Variants in INKA2 observed in about 807,000 individuals in gnomAD.
The protein encoded by INKA2 is PAK4-inhibitor INKA2.
INKA2 carries 3 observed loss-of-function variants against 9.8 expected under a neutral mutation model. The ratio of observed to expected loss-of-function variants is 0.31; its 90% CI spans 0.14 to 0.79. The LOEUF is 0.79. Among genes scored for constraint, INKA2 ranks in the 30% least tolerant of loss-of-function variants. The pLI is 0.62. For synonymous variants in INKA2, 147 were observed against 143.3 expected (o/e 1.03, Z -0.18); for missense variants, 392 against 384.4 (o/e 1.02, Z -0.17).
In INKA2 at chr1:111,727,415, G is replaced by A. The variant is rs1250038995; in HGVS notation, c.447C>T (p.Gly149=). Residue 149 remains glycine, a synonymous_variant, in exon 2 of 2, where the codon GGC becomes GGT. Transcript: ENST00000357260. ...DDWTSTLMSR[G]RNRQPLVLGD... ...CTAACACCAGAGGCTGTCGATTCCG[G>A]CCCCGGGACATCAACGTGGAGGTCC... 6.2e-7 allele frequency: 1 copy of A among 1,614,132 alleles called. No homozygotes were observed.
chr1:111,731,424 CA>C (rs1427897095), intron 1 of INKA2, among the ~76,000 whole-genome samples: 1 of 151,812 alleles, frequency 6.6e-6, no homozygotes, highest in East Asian at 1.9e-4. Flanking sequence ...GATCTCAGCT[CA>C]CCACAACCTC....
chr1:111,730,478 G>C (rs958930246), intron 1 of INKA2, among the ~76,000 whole-genome samples: 4 of 152,162 alleles, frequency 2.6e-5, no homozygotes, highest in African/African-American at 9.7e-5. Flanking sequence ...AGACACGTGA[G>C]CACCTGATCA....
rs973511478 is a variant in INKA2, at chr1:111,724,973, A to C, written c.*1995T>G. Reference sequence around the variant, plus strand: ...TGTGCACATTACCTGACAGACAGTGAGTGCTCAACAAAACCCAAAAAGCAT... The same window carrying C: ...TGTGCACATTACCTGACAGACAGTGCGTGCTCAACAAAACCCAAAAAGCAT... On this transcript the variant is annotated 3_prime_UTR_variant, in exon 2 of 2. Transcript: ENST00000357260. The C allele has an allele frequency of 6.6e-6, 1 of 152,230 alleles. No homozygotes were observed. Among genetic ancestry groups the C allele is most frequent in the Non-Finnish European group, 1.5e-5 (1 of 68,054 alleles). 9.4% of individuals were successfully genotyped at this position (152,230 alleles called of 1,614,324 possible). A position where few individuals can be genotyped will look rare whatever the true frequency, so the allele number is the denominator to read the frequency against.
Position 111,723,431 on chromosome 1 carries a change from T to C in INKA2, c.*3537A>G. ...AGGAGGGAGACCAGGCCGGCCCCAC[T>C]AGCATGCCCAGCAGGGACTCTTTTC... On this transcript the variant is annotated 3_prime_UTR_variant, in exon 2 of 2. Transcript: ENST00000357260. 3 of 225,048 alleles carry C rather than the reference T, an allele frequency of 1.3e-5. No individual in the cohort carries two copies. The highest frequency in any genetic ancestry group is 7.5e-6 in the Non-Finnish European group (1 of 132,860). 13.9% of individuals were successfully genotyped at this position (225,048 alleles called of 1,614,324 possible).
chr1:111,726,239 A>T lies in INKA2; in HGVS notation c.*729T>A. 2.6e-6 allele frequency: 1 copy of T among 391,058 alleles called. No homozygotes were observed. Among genetic ancestry groups the T allele is most frequent in the Non-Finnish European group, 4.5e-6 (1 of 221,548 alleles). The allele number at this position is 391,058 out of a possible 1,614,324, so 24.2% of individuals were successfully genotyped here. A position where few individuals can be genotyped will look rare whatever the true frequency, so the allele number is the denominator to read the frequency against. On this transcript the variant is annotated 3_prime_UTR_variant, in exon 2 of 2. Coordinates refer to ENST00000357260, the MANE Select transcript of INKA2 (RefSeq NM_019099.5). Reference sequence around the variant, plus strand: ...TTCAAATGAGACCATGGAGATGAAAAGGCATTCAAACAGCCCAGTGCTATG... The same window carrying T: ...TTCAAATGAGACCATGGAGATGAAATGGCATTCAAACAGCCCAGTGCTATG...
chr1:111,725,642 A>G lies in INKA2; in HGVS notation c.*1326T>C, dbSNP rs1571588208. The G allele has an allele frequency of 6.5e-6, 1 of 153,330 alleles. No homozygotes were observed. The highest frequency in any genetic ancestry group is 2.4e-5 in the African/African-American group (1 of 41,462). The allele number at this position is 153,330 out of a possible 1,614,324, so 9.5% of individuals were successfully genotyped here. A position where few individuals can be genotyped will look rare whatever the true frequency, so the allele number is the denominator to read the frequency against. ...GGCTATTTCTTCTGGGTTCACTTCT[A>G]CCTCACTGGTGAATTGGCTGTTCTC... On this transcript the variant is annotated 3_prime_UTR_variant, in exon 2 of 2. Coordinates refer to ENST00000357260, the MANE Select transcript of INKA2 (RefSeq NM_019099.5).
At chr1:111,737,475 A>G (rs769596256) in intron 1 of INKA2, among the ~76,000 whole-genome samples, 10 of 152,126 alleles carry the variant, frequency 6.6e-5, no homozygotes, top group Non-Finnish European at 1.3e-4. Context: ...GTAGTCCCCA[A>G]TTCGAAGCAC....
chr1:111,737,486 A>G (rs1032457262), intron 1 of INKA2, among the ~76,000 whole-genome samples: 3 of 152,200 alleles, frequency 2.0e-5, no homozygotes, highest in African/African-American at 7.2e-5. Context: ...TTCGAAGCAC[A>G]AAAAGGAGGA....
intron 1 of INKA2, among the ~76,000 whole-genome samples, chr1:111,732,137 A>T (rs778516861): frequency 3.3e-5 from 5 of 152,178 alleles, no homozygotes; most frequent in Non-Finnish European, 7.4e-5. Context: ...TGACTAAGAG[A>T]GGAGCCAGCA....
At position 111,739,284 on chromosome 1, in the gene INKA2, G is replaced by A; in HGVS notation, c.-42C>T. ...TTCGGTTCAAACAGAGAGGGCCCGGGTGAAACCCCGGCCCCACTGGAAACT... is the reference window on the plus strand; with the variant it reads ...TTCGGTTCAAACAGAGAGGGCCCGGATGAAACCCCGGCCCCACTGGAAACT... On this transcript the variant is annotated 5_prime_UTR_variant, in exon 1 of 2. Transcript: ENST00000357260. 1 of 1,611,824 alleles carries A rather than the reference G, an allele frequency of 6.2e-7. No individual in the cohort carries two copies. Among genetic ancestry groups the A allele is most frequent in the Non-Finnish European group, 8.5e-7 (1 of 1,178,980 alleles).
At chr1:111,734,397 CT>C (rs150589873) in intron 1 of INKA2, among the ~76,000 whole-genome samples, 4 of 151,688 alleles carry the variant, frequency 2.6e-5, no homozygotes, top group East Asian at 3.9e-4. Context: ...AAGTTACCTT[CT>C]TTTTTTTTCC....
At chr1:111,755,575 A>T (rs1171904702) in intron 1 of INKA2, 2 of 1,106,300 alleles carry the variant, frequency 1.8e-6, no homozygotes, top group African/African-American at 1.6e-5. Context: ...ATCACAAAGA[A>T]CGGCGAGAGG....
At chr1:111,730,795 A>G (rs914792488) in intron 1 of INKA2, among the ~76,000 whole-genome samples, 2 of 152,136 alleles carry the variant, frequency 1.3e-5, no homozygotes, top group South Asian at 2.1e-4. Context: ...GCTGAGATCT[A>G]TACATCAGTA....
At chr1:111,728,749 C>T (rs1384865695) in intron 1 of INKA2, among the ~76,000 whole-genome samples, 1 of 152,062 alleles carries the variant, frequency 6.6e-6, no homozygotes, top group Non-Finnish European at 1.5e-5. Context: ...AGACTTGGGT[C>T]CCATCCCTAA....
intron 1 of INKA2, among the ~76,000 whole-genome samples, chr1:111,748,873 C>T (rs1663330681): frequency 6.6e-6 from 1 of 152,246 alleles, no homozygotes; most frequent in African/African-American, 2.4e-5. Flanking sequence ...CTCCCCCTTC[C>T]CTTTCACTCC....
Position 111,726,491 on chromosome 1 carries a change from G to T in INKA2, c.*477C>A, listed in dbSNP as rs1442903884. 1 of 191,860 alleles carries T rather than the reference G, an allele frequency of 5.2e-6. No homozygotes were observed. The highest frequency in any genetic ancestry group is 2.3e-5 in the African/African-American group (1 of 42,854). The allele number at this position is 191,860 out of a possible 1,614,324, so 11.9% of individuals were successfully genotyped here. On this transcript the variant is annotated 3_prime_UTR_variant, in exon 2 of 2. Transcript: ENST00000357260. ...GTGCCTGGAGCAATGTCTTGCCAAA[G>T]AAGCTGACAGAAGGTTGGGAGAGCC...
At chr1:111,739,417 G>A (rs1663091101), upstream of INKA2, 11 of 1,464,954 alleles carry the variant, frequency 7.5e-6, no homozygotes, top group Non-Finnish European at 9.9e-6. Context: ...GGCTAGCCGC[G>A]CGCGGTCGGT....
chr1:111,731,577 C>CATGGA (rs1662905853), intron 1 of INKA2, among the ~76,000 whole-genome samples: 2 of 152,164 alleles, frequency 1.3e-5, no homozygotes, highest in South Asian at 4.1e-4. Flanking sequence ...GTCTCGAACT[C>CATGGA]CTGGACTCAA....
At chr1:111,737,836 G>A (rs1663038682) in intron 1 of INKA2, among the ~76,000 whole-genome samples, 1 of 152,234 alleles carries the variant, frequency 6.6e-6, no homozygotes, top group Non-Finnish European at 1.5e-5. Flanking sequence ...GCTGACCCTG[G>A]AGTAGGACTG....
Sources: allele counts gnomAD v4.1 joint callset (sites outside exome capture counted in the v4.1 genomes callset), GRCh38; gene constraint gnomAD v4.1.1; transcripts MANE v1.5; gene names NCBI Gene and HGNC (gene_info 2026-07-23, HGNC 2026-07-21).